Variants in MAST4 observed in about 807,000 individuals in gnomAD.
MAST4 encodes the protein microtubule-associated serine/threonine-protein kinase 4.
In MAST4, 89 loss-of-function variants were observed where a neutral mutation model predicts 162.7. The observed-to-expected ratio is 0.55, with a 90% confidence interval of 0.46 to 0.65. The LOEUF (loss-of-function observed/expected upper bound fraction) is 0.65. Among genes scored for constraint, MAST4 ranks in the 30% least tolerant of loss-of-function variants. The pLI is 0.00. For missense variants in MAST4, 3,153 were observed against 3,374.0 expected, an observed-to-expected ratio of 0.93 and a Z score of 1.62; for synonymous variants, 1,479 against 1,361.1, an observed-to-expected ratio of 1.09 and a Z score of -1.91.
chr5:66,827,839 C>T (rs1333314157), intron 3 of MAST4, among the ~76,000 whole-genome samples: 1 of 152,154 alleles, frequency 6.6e-6, no homozygotes, highest in Non-Finnish European at 1.5e-5. Flanking sequence ...AGAATAGACA[C>T]CAAGGAGGAA....
At chr5:67,126,031 A>G (rs752592203) in intron 14 of MAST4, among the ~76,000 whole-genome samples, 3 of 152,172 alleles carry the variant, frequency 2.0e-5, no homozygotes, top group Non-Finnish European at 4.4e-5. Flanking sequence ...TGTTGGCTGC[A>G]TAAATGTCTT....
intron 24 of MAST4, among the ~76,000 whole-genome samples, chr5:67,151,391 A>T (rs993004906): frequency 6.6e-6 from 1 of 152,194 alleles, no homozygotes; most frequent in Non-Finnish European, 1.5e-5. Flanking sequence ...CTCTTGTATA[A>T]GGGCACTAAT....
At chr5:66,964,539 T>C (rs1024394290) in intron 4 of MAST4, among the ~76,000 whole-genome samples, 5 of 151,974 alleles carry the variant, frequency 3.3e-5, no homozygotes, top group African/African-American at 7.3e-5. Context: ...CGGTGGCTCA[T>C]GCCTGTAATC....
intron 1 of MAST4, among the ~76,000 whole-genome samples, chr5:66,603,728 A>C (rs1039637942): frequency 2.6e-5 from 4 of 152,224 alleles, no homozygotes; most frequent in African/African-American, 9.6e-5. Context: ...CAAATAACCT[A>C]GTAGCCCTTT....
intron 3 of MAST4, among the ~76,000 whole-genome samples, chr5:66,854,737 C>A (rs1034099551): frequency 2.0e-5 from 3 of 152,064 alleles, no homozygotes; most frequent in African/African-American, 7.2e-5. Context: ...CACTAAATCC[C>A]ATACTCAAGG....
chr5:66,925,486 A>C (rs1348638552), intron 4 of MAST4, among the ~76,000 whole-genome samples: 1 of 152,230 alleles, frequency 6.6e-6, no homozygotes, highest in Non-Finnish European at 1.5e-5. Context: ...TTTAGGGAAT[A>C]TAACAGATTT....
intron 1 of MAST4, among the ~76,000 whole-genome samples, chr5:66,683,395 A>C (rs1423992474): frequency 6.6e-6 from 1 of 152,114 alleles, no homozygotes; most frequent in Non-Finnish European, 1.5e-5. Context: ...TAAAAGGTAC[A>C]TGTAGTGGTG....
chr5:66,788,607 C>CCAAAAAAAAAAAAAAAAAAAA, intron 2 of MAST4, 63 bp from the exon 3 acceptor site: 2 of 1,373,726 alleles, frequency 1.5e-6, no homozygotes, highest in Non-Finnish European at 2.0e-6. Flanking sequence ...CCCCCACCCC[C>CCAAAAAAAAAAAAAAAAAAAA]ATTGCAATAA....
At chr5:66,998,568 A>T (rs1316588619) in intron 4 of MAST4, among the ~76,000 whole-genome samples, 1 of 152,236 alleles carries the variant, frequency 6.6e-6, no homozygotes, top group Non-Finnish European at 1.5e-5. Flanking sequence ...ATATAGGGTC[A>T]GTCTTTAAAA....
intron 1 of MAST4, among the ~76,000 whole-genome samples, chr5:66,713,429 C>A (rs1325857060): frequency 1.3e-5 from 2 of 152,160 alleles, no homozygotes; most frequent in Non-Finnish European, 2.9e-5. Flanking sequence ...TGTATGGATA[C>A]CCCTGAGCAT....
intron 1 of MAST4, among the ~76,000 whole-genome samples, chr5:66,654,652 T>G (rs1223187690): frequency 1.3e-5 from 2 of 152,182 alleles, no homozygotes; most frequent in African/African-American, 2.4e-5. Flanking sequence ...AAAGAATAAT[T>G]TGCTTCATCA....
At chr5:67,141,577 CA>C (rs1257205431) in intron 19 of MAST4, among the ~76,000 whole-genome samples, 1 of 152,150 alleles carries the variant, frequency 6.6e-6, no homozygotes, top group African/African-American at 2.4e-5. Context: ...ACAGATTTGT[CA>C]GTTTCCTACT....
intron 7 of MAST4, among the ~76,000 whole-genome samples, chr5:67,099,214 T>C (rs1764757464): frequency 6.6e-6 from 1 of 152,062 alleles, no homozygotes; most frequent in Non-Finnish European, 1.5e-5. Flanking sequence ...TTAGTTCATG[T>C]GTTTTATTTC....
At chr5:66,752,018 C>A (rs1237974869) in intron 1 of MAST4, among the ~76,000 whole-genome samples, 3 of 151,960 alleles carry the variant, frequency 2.0e-5, no homozygotes, top group Non-Finnish European at 4.4e-5. Context: ...GAATTTTCAA[C>A]CCAGAATTTC....
chr5:66,658,147 TAAAG>T (rs996433509), intron 1 of MAST4, among the ~76,000 whole-genome samples: 2 of 152,212 alleles, frequency 1.3e-5, no homozygotes, highest in Non-Finnish European at 2.9e-5. Flanking sequence ...ATCCAGCGTA[TAAAG>T]AGAGCTGAGG....
intron 1 of MAST4, among the ~76,000 whole-genome samples, chr5:66,630,976 G>C (rs1353908401): frequency 6.6e-6 from 1 of 152,276 alleles, no homozygotes; most frequent in Non-Finnish European, 1.5e-5. Flanking sequence ...TGAGGTTTGG[G>C]TTCTACCTTA....
chr5:66,828,023 T>A (rs745914252), intron 3 of MAST4, among the ~76,000 whole-genome samples: 2 of 152,236 alleles, frequency 1.3e-5, no homozygotes, highest in Non-Finnish European at 2.9e-5. Flanking sequence ...CTTTAGCTGC[T>A]TATACACTAT....
chr5:66,807,523 A>AATTAAATT (rs1178262225), intron 3 of MAST4, among the ~76,000 whole-genome samples: 1 of 151,972 alleles, frequency 6.6e-6, no homozygotes, highest in Admixed American at 6.5e-5. Flanking sequence ...AAAAATGTAC[A>AATTAAATT]ATTAAATTAT....
Position 66,866,894 on chromosome 5 carries a change from C to T in MAST4, c.643-33057C>T, listed in dbSNP as rs1384430939. Among the ~76,000 whole-genome samples, 8 of 151,778 alleles carry T rather than the reference C, an allele frequency of 5.3e-5. No individual in the cohort carries two copies. In the South Asian group the frequency reaches 6.3e-4, roughly 12 times the overall value. On this transcript the variant is annotated intron_variant, in intron 3 of 28. Coordinates refer to ENST00000403625, the MANE Select transcript of MAST4 (RefSeq NM_001164664.2). The stretch of plus-strand genomic sequence containing the variant: ...CCTCTCGAGTAGCCAGGACCATAGG[C>T]GTGGGCTACCACGGCAGGCTTTTTT...
Sources: allele counts gnomAD v4.1 joint callset (sites outside exome capture counted in the v4.1 genomes callset), GRCh38; gene constraint gnomAD v4.1.1; transcripts MANE v1.5; gene names NCBI Gene and HGNC (gene_info 2026-07-23, HGNC 2026-07-21).